TFR2: variants seen among roughly 807,000 people sequenced by gnomAD.
The protein encoded by TFR2 is transferrin receptor protein 2.
In TFR2, 64 loss-of-function variants were observed where a neutral mutation model predicts 91.9. That is an observed-to-expected ratio of 0.70 (90% CI 0.57 to 0.86). The LOEUF (loss-of-function observed/expected upper bound fraction) is 0.86. Ranked by LOEUF, TFR2 falls within the 40% of genes least tolerant of loss-of-function variation. The probability of loss-of-function intolerance (pLI) is 0.00; values close to 1 mark genes in which losing one functional copy is unlikely to be tolerated. For missense variants in TFR2, 950 were observed against 1,080.5 expected, an observed-to-expected ratio of 0.88 and a Z score of 1.69; for synonymous variants, 454 against 459.6, an observed-to-expected ratio of 0.99 and a Z score of 0.15.
chr7:100,629,839 G>A (rs1020068724), intron 9 of TFR2, among the ~76,000 whole-genome samples: 7 of 152,102 alleles, frequency 4.6e-5, no homozygotes, highest in Non-Finnish European at 1.0e-4. Flanking sequence ...TCCACCTCCC[G>A]GGTTCACGCC....
intron 3 of TFR2, among the ~76,000 whole-genome samples, chr7:100,637,353 C>T (rs1444075531): frequency 1.3e-5 from 2 of 151,550 alleles, no homozygotes; most frequent in Non-Finnish European, 2.9e-5. Context: ...GAGCCAAGAT[C>T]GTGCCATTGC....
chr7:100,626,765 G>A lies in TFR2; in HGVS notation c.2134C>T (p.Arg712Trp). The A allele has an allele frequency of 1.3e-6, 2 of 1,544,240 alleles. No individual in the cohort carries two copies. Among genetic ancestry groups the A allele is most frequent in the Non-Finnish European group, 8.7e-7 (1 of 1,146,830 alleles). ...GGGCGAGGAGGGCGGGGCCTCACCC[G>A]CATTATGCGCACGTTGTACATGCGT... ...LTRMYNVRIMRVEFYFLSQYV... is the reference protein window; with the variant it reads ...LTRMYNVRIMWVEFYFLSQYV... The change falls in exon 17 of 18, where the codon CGG becomes TGG. Residue 712 changes from arginine to tryptophan, a missense_variant and splice_region_variant. By Grantham distance (101) the Arg-to-Trp change is moderately radical. Coordinates refer to ENST00000223051, the MANE Select transcript of TFR2 (RefSeq NM_003227.4).
At chr7:100,625,071 T>C (rs1208828699) in intron 17 of TFR2, among the ~76,000 whole-genome samples, 2 of 148,700 alleles carry the variant, frequency 1.3e-5, no homozygotes, top group Admixed American at 6.7e-5. Context: ...TTTTTTTTTT[T>C]TTTTTGAGAT....
Position 100,620,969 on chromosome 7 carries a change from G to C in TFR2, c.2294C>G (p.Thr765Ser). The change falls in exon 18 of 18, where the codon ACT (threonine) becomes AGT (serine). Residue 765 changes from threonine (T) to serine (S), a missense_variant. By Grantham distance (58) the Thr-to-Ser change is moderately conservative (BLOSUM62 1). Coordinates refer to ENST00000223051, the MANE Select transcript of TFR2 (RefSeq NM_003227.4). ...SSGTPGATSS[T>S]GFQESRFRRQ... ...CCGGAAACGGCTCTCCTGGAAGCCAGTGGAGGAGGTGGCCCCGGGGGTCCC... is the reference window on the plus strand; with the variant it reads ...CCGGAAACGGCTCTCCTGGAAGCCACTGGAGGAGGTGGCCCCGGGGGTCCC... 6.2e-7 allele frequency: 1 copy of C among 1,612,996 alleles called. No homozygotes were observed. Among genetic ancestry groups the C allele is most frequent in the Non-Finnish European group, 8.5e-7 (1 of 1,179,608 alleles).
At position 100,627,625 on chromosome 7, in the gene TFR2, G is replaced by C. The variant is rs1191335628; in HGVS notation, c.1719C>G (p.Ser573=). ...CAGGGACTCCCACAAAGGCCGTGAA[G>C]GAATAGGCACTGCTGTCCATGGGTA... ...RPLPMDSSAY[S]FTAFVGVPAV... is the part of the protein sequence containing the mutation. The change falls in exon 15 of 18, where the codon TCC becomes TCG. Residue 573 remains serine (S), a synonymous_variant. Coordinates refer to ENST00000223051, the MANE Select transcript of TFR2 (RefSeq NM_003227.4). The C allele has an allele frequency of 6.2e-7, 1 of 1,614,182 alleles. No individual in the cohort carries two copies. The highest frequency in any genetic ancestry group is 8.5e-7 in the Non-Finnish European group (1 of 1,180,018).
At chr7:100,627,121 G>C in intron 16 of TFR2, 143 bp downstream of exon 16, 1 of 1,226,090 alleles carries the variant, frequency 8.2e-7, no homozygotes, top group Non-Finnish European at 1.1e-6. Context: ...CTGGGGGCTG[G>C]GAGACTGGAG....
At position 100,637,309 on chromosome 7, in the gene TFR2, G is replaced by T. The variant is rs1412946246; in HGVS notation, c.473+3377C>A. Among the ~76,000 whole-genome samples, 3 of 151,906 alleles carry T rather than the reference G, an allele frequency of 2.0e-5. No homozygotes were observed. In the East Asian group the frequency reaches 5.8e-4, roughly 29 times the overall value. On this transcript the variant is annotated intron_variant, in intron 3 of 17. Coordinates refer to ENST00000223051, the MANE Select transcript of TFR2 (RefSeq NM_003227.4). ...AGCTACTCGGGGAGCTGAGGCAGGAGAATCGCTTGAACCCGGGAGGCGGAG... is the reference window on the plus strand; with the variant it reads ...AGCTACTCGGGGAGCTGAGGCAGGATAATCGCTTGAACCCGGGAGGCGGAG...
At chr7:100,630,274 CTCTT>C (rs753521063) in intron 9 of TFR2, among the ~76,000 whole-genome samples, 26 of 148,156 alleles carry the variant, frequency 1.8e-4, no homozygotes, top group African/African-American at 5.5e-4. Flanking sequence ...TTCTCTTTCT[CTCTT>C]TCTTTCTTTC....
chr7:100,629,989 C>T (rs1263538221), intron 9 of TFR2, among the ~76,000 whole-genome samples: 1 of 152,134 alleles, frequency 6.6e-6, no homozygotes, highest in Admixed American at 6.5e-5. Context: ...CATGATCCGC[C>T]CACCTCGGCC....
At chr7:100,634,080 A>C (rs566678672) in intron 3 of TFR2, among the ~76,000 whole-genome samples, 142 of 151,374 alleles carry the variant, frequency 9.4e-4, no homozygotes, top group Non-Finnish European at 1.5e-3. Flanking sequence ...TCTGCTTAAA[A>C]CCTGACTTCC....
At chr7:100,640,656 G>A (rs1234838761) in intron 3 of TFR2, 30 bp downstream of exon 3, 5 of 1,606,854 alleles carry the variant, frequency 3.1e-6, no homozygotes, top group African/African-American at 1.3e-5. Flanking sequence ...AGGGACACTC[G>A]AGAACAGGAT....
chr7:100,631,075 G>T (rs1405351270), intron 8 of TFR2, 23 bp from the exon 9 acceptor site: 3 of 1,534,104 alleles, frequency 2.0e-6, no homozygotes, highest in South Asian at 1.3e-5. Flanking sequence ...AAGGCAGAAA[G>T]GGGGAAGTTG....
chr7:100,621,256 T>A, intron 17 of TFR2, 130 bp from the exon 18 acceptor site: 1 of 1,249,974 alleles, frequency 8.0e-7, no homozygotes, highest in East Asian at 2.6e-5. Flanking sequence ...TTGTTTTTTG[T>A]TTGTTCGTTT....
chr7:100,641,456 T>C lies in TFR2; in HGVS notation c.33+21A>G, dbSNP rs771996754. The C allele has an allele frequency of 1.3e-5, 21 of 1,613,422 alleles. No homozygotes were observed. The Admixed American group carries it at 3.5e-4, about 27-fold the overall frequency. On this transcript the variant is annotated intron_variant, in intron 1 of 17. Coordinates refer to ENST00000223051, the MANE Select transcript of TFR2 (RefSeq NM_003227.4). ...CTTAGAGAGAAGGCCTAAGGGGTCT[T>C]CCCAATCCCACTAGTCTTACCGCTC...
chr7:100,621,215 G>GT (rs1562835202), intron 17 of TFR2, 89 bp from the exon 18 acceptor site: 30 of 1,379,642 alleles, frequency 2.2e-5, no homozygotes, highest in East Asian at 7.7e-5. Context: ...CAGTCTTTTT[G>GT]TTTTTTTGTT....
Position 100,629,343 on chromosome 7 carries a change from C to T in TFR2, c.1300G>A (p.Asp434Asn), listed in dbSNP as rs887907860. 52 of 1,614,072 alleles carry T rather than the reference C, an allele frequency of 3.2e-5. No homozygotes were observed. The highest frequency in any genetic ancestry group is 4.4e-5 in the Non-Finnish European group (52 of 1,179,966). Residue 434 changes from aspartate (D) to asparagine (N), a missense_variant, in exon 10 of 18, where the codon GAT becomes AAT. Coordinates refer to ENST00000223051, the MANE Select transcript of TFR2 (RefSeq NM_003227.4). ...DHYVVIGAQR[D>N]AWGPGAAKSA... ...TTAGCTGCTCCTGGGCCCCATGCAT[C>T]CCTCTGGGCCCCGATGACAACGTAG...
In TFR2 at chr7:100,620,793, T is replaced by G; in HGVS notation, c.*64A>C. 6.2e-7 allele frequency: 1 copy of G among 1,605,108 alleles called. No individual in the cohort carries two copies. Among genetic ancestry groups the G allele is most frequent in the Admixed American group, 1.7e-5 (1 of 59,806 alleles). On this transcript the variant is annotated 3_prime_UTR_variant, in exon 18 of 18. Coordinates refer to ENST00000223051, the MANE Select transcript of TFR2 (RefSeq NM_003227.4). ...TCTGAGCCACCTCCCTGACCCTGAA[T>G]CATTCAAGCGAGGAGCAGAGGAGCT...
rs150215166 is a variant in TFR2 at position 100,641,157 on chromosome 7, C to G, written c.105G>C (p.Glu35Asp). 87 of 1,536,012 alleles carry G rather than the reference C, an allele frequency of 5.7e-5. No homozygotes were observed. The highest frequency in any genetic ancestry group is 6.8e-5 in the Non-Finnish European group (78 of 1,140,858). ...RVEGPRKGHLEEEEEDGEEGA... is the reference protein window; with the variant it reads ...RVEGPRKGHLDEEEEDGEEGA... ...CCTCCTCCCCGTCTTCCTCTTCCTC[C>G]TCCAGGTGCCCTTTCCGGGGGCCTT... The change falls in exon 2 of 18, where the codon GAG becomes GAC. Residue 35 changes from glutamate (E) to aspartate (D), a missense_variant. Physicochemically the swap from Glu to Asp is conservative, Grantham distance 45 (BLOSUM62 2). Transcript: ENST00000223051.
At chr7:100,629,499 C>A in intron 9 of TFR2, 127 bp from the exon 10 acceptor site, 1 of 1,555,012 alleles carries the variant, frequency 6.4e-7, no homozygotes, top group East Asian at 2.3e-5. Context: ...CCCTCCAGTC[C>A]CTAAAGAGGG....
Sources: allele counts gnomAD v4.1 joint callset (sites outside exome capture counted in the v4.1 genomes callset), GRCh38; gene constraint gnomAD v4.1.1; transcripts MANE v1.5; gene names NCBI Gene and HGNC (gene_info 2026-07-23, HGNC 2026-07-21).